The following MSH3 variants were observed in gnomAD, a reference collection of about 807,000 sequenced individuals.
MSH3 encodes the protein DNA mismatch repair protein Msh3.
In MSH3, 106 loss-of-function variants were observed where a neutral mutation model predicts 123.3. That is an observed-to-expected ratio of 0.86 (90% CI 0.73 to 1.01). MSH3 has a LOEUF of 1.01. MSH3 is among the 50% of genes least tolerant of loss of function. The pLI is 0.00. For synonymous variants in MSH3, 515 were observed against 481.4 expected (o/e 1.07, Z -0.91); for missense variants, 1,459 against 1,347.6 (o/e 1.08, Z -1.29).
At position 80,762,850 on chromosome 5, in the gene MSH3, T is replaced by TTATTTTATG. The variant is rs1561469673; in HGVS notation, c.1896+1173_1896+1174insATTTTATGT. On this transcript the variant is annotated intron_variant, in intron 13 of 23. Coordinates refer to ENST00000265081, the MANE Select transcript of MSH3 (RefSeq NM_002439.5). ...GTTATGTTATTTTATGTTATTTTAT[T>TTATTTTATG]TTATTTTATTTTTGAGACAGACTTT... Among the ~76,000 whole-genome samples, 68 of 53,996 alleles carry TTATTTTATG rather than the reference T, an allele frequency of 1.3e-3. 1 individual carries two copies. The East Asian group carries it at 0.026, about 21-fold the overall frequency. The allele number at this position is 53,996 out of a possible 152,430, so 35.4% of individuals were successfully genotyped here. A position where few individuals can be genotyped will look rare whatever the true frequency, so the allele number is the denominator to read the frequency against.
chr5:80,819,446 A>ATG (rs35865568), intron 20 of MSH3, among the ~76,000 whole-genome samples: 2,119 of 136,646 alleles, frequency 0.016, 48 homozygotes, highest in African/African-American at 0.044. Flanking sequence ...ATATATGTAT[A>ATG]TGTGTGTGTG....
At chr5:80,786,071 A>C (rs1428453104) in intron 17 of MSH3, among the ~76,000 whole-genome samples, 2 of 152,114 alleles carry the variant, frequency 1.3e-5, no homozygotes, top group Non-Finnish European at 2.9e-5. Context: ...GCAGCACACC[A>C]GCATGGCACA....
chr5:80,655,170 A>T, intron 1 of MSH3: 2 of 452,874 alleles, frequency 4.4e-6, no homozygotes, highest in Non-Finnish European at 7.7e-6. Context: ...TTGAGGAGAT[A>T]GGCAAAGGTT....
intron 8 of MSH3, among the ~76,000 whole-genome samples, chr5:80,694,216 T>C (rs1750417219): frequency 1.3e-5 from 2 of 152,288 alleles, no homozygotes; most frequent in African/African-American, 2.4e-5. Context: ...TTGGAAAATA[T>C]ATATGTATTC....
At chr5:80,683,262 G>A (rs1466641704) in intron 8 of MSH3, among the ~76,000 whole-genome samples, 1 of 151,906 alleles carries the variant, frequency 6.6e-6, no homozygotes, top group African/African-American at 2.4e-5. Flanking sequence ...TCTATTTTTA[G>A]TTTTTTGGTA....
Position 80,831,872 on chromosome 5 carries a change from G to T in MSH3, c.2813+18131G>T, listed in dbSNP as rs1027847487. Among the ~76,000 whole-genome samples the T allele has an allele frequency of 2.0e-5, 3 of 152,202 alleles. No individual in the cohort carries two copies. The South Asian group carries it at 6.2e-4, about 32-fold the overall frequency. On this transcript the variant is annotated intron_variant, in intron 20 of 23. Transcript: ENST00000265081. ...TCCTGTAATCCCAGCACTTTGGGAG[G>T]CCGAGGCGGGTGGATCACGAGGTCA...
chr5:80,788,618 C>G (rs2112021644), intron 18 of MSH3, among the ~76,000 whole-genome samples: 1 of 152,156 alleles, frequency 6.6e-6, no homozygotes, highest in South Asian at 2.1e-4. Context: ...TGAGACCAGC[C>G]TGGGCAACAT....
chr5:80,833,396 T>C (rs1233923110), intron 20 of MSH3, among the ~76,000 whole-genome samples: 3 of 152,198 alleles, frequency 2.0e-5, no homozygotes, highest in Non-Finnish European at 4.4e-5. Flanking sequence ...GTATAGTATG[T>C]CTTATAAATG....
chr5:80,821,264 A>G (rs985357836), intron 20 of MSH3, among the ~76,000 whole-genome samples: 7 of 152,140 alleles, frequency 4.6e-5, no homozygotes, highest in African/African-American at 1.7e-4. Context: ...TATCTATCTT[A>G]GTTCATAACT....
At position 80,741,476 on chromosome 5, in the gene MSH3, G is replaced by T. The variant is rs1561462368; in HGVS notation, c.1581G>T (p.Gln527His). ...KMLSKPENFK[Q>H]LSSKMEFMTI... ...GATTCTTTTACAGGAATTTTAAACA[G>T]CTATCAAGTAAAATGGAATTTATGA... Residue 527 changes from glutamine to histidine, a missense_variant, in exon 11 of 24, where the codon CAG becomes CAT. Coordinates refer to ENST00000265081, the MANE Select transcript of MSH3 (RefSeq NM_002439.5). 1 of 1,582,988 alleles carries T rather than the reference G, an allele frequency of 6.3e-7. No homozygotes were observed. The highest frequency in any genetic ancestry group is 8.7e-7 in the Non-Finnish European group (1 of 1,151,594).
intron 8 of MSH3, among the ~76,000 whole-genome samples, chr5:80,716,120 A>G (rs1176462869): frequency 6.6e-6 from 1 of 152,220 alleles, no homozygotes; most frequent in East Asian, 1.9e-4. Flanking sequence ...GCCATTCACT[A>G]TGAGCCATAA....
chr5:80,791,617 A>T (rs897299518), intron 18 of MSH3, among the ~76,000 whole-genome samples: 1 of 152,160 alleles, frequency 6.6e-6, no homozygotes, highest in African/African-American at 2.4e-5. Context: ...TTTTTTTACT[A>T]TCCCCTTATT....
At chr5:80,675,447 A>G (rs1027826684) in intron 7 of MSH3, among the ~76,000 whole-genome samples, 2 of 152,128 alleles carry the variant, frequency 1.3e-5, no homozygotes, top group Non-Finnish European at 2.9e-5. Flanking sequence ...GCCTCAGGAA[A>G]CTTACAATCA....
intron 20 of MSH3, among the ~76,000 whole-genome samples, chr5:80,847,598 A>AT (rs916154504): frequency 1.1e-4 from 16 of 152,022 alleles, no homozygotes; most frequent in Non-Finnish European, 2.2e-4. Context: ...TTAATGATGA[A>AT]TTTTTTCTTT....
In MSH3 at chr5:80,725,534, G is replaced by A. The variant is rs765517032; in HGVS notation, c.1422G>A (p.Glu474=). Residue 474 remains glutamate (E), a synonymous_variant, in exon 9 of 24, where the codon GAG becomes GAA. Coordinates refer to ENST00000265081, the MANE Select transcript of MSH3 (RefSeq NM_002439.5). The stretch of plus-strand genomic sequence containing the variant: ...GCCATGCTTTCCAGGCAGTTACAGA[G>A]TTTTATGCAAAAGATACAGTTGACA... The part of the protein sequence containing the change: ...EYSHAFQAVT[E]FYAKDTVDIK... 1 of 1,613,762 alleles carries A rather than the reference G, an allele frequency of 6.2e-7. No homozygotes were observed. Among genetic ancestry groups the A allele is most frequent in the Non-Finnish European group, 8.5e-7 (1 of 1,179,760 alleles).
At chr5:80,777,280 C>G (rs1744323111) in intron 16 of MSH3, among the ~76,000 whole-genome samples, 1 of 151,396 alleles carries the variant, frequency 6.6e-6, no homozygotes, top group African/African-American at 2.4e-5. Context: ...CATTCTAATA[C>G]CATCTTTTTT....
At chr5:80,763,474 T>C (rs1202294027) in intron 13 of MSH3, among the ~76,000 whole-genome samples, 1 of 152,230 alleles carries the variant, frequency 6.6e-6, no homozygotes, top group African/African-American at 2.4e-5. Flanking sequence ...AGTTTTATGG[T>C]AGACCTTTTT....
intron 22 of MSH3, among the ~76,000 whole-genome samples, chr5:80,866,180 C>T (rs183907896): frequency 6.6e-6 from 1 of 152,292 alleles, no homozygotes; most frequent in East Asian, 1.9e-4. Context: ...TCACTGTCAT[C>T]CAGGCTGGAG....
chr5:80,808,880 TATAC>T (rs200343989), intron 19 of MSH3, among the ~76,000 whole-genome samples: 10 of 143,634 alleles, frequency 7.0e-5, no homozygotes, highest in East Asian at 4.0e-4. Flanking sequence ...TATATATATA[TATAC>T]ACAATCTAAA....
Sources: allele counts gnomAD v4.1 joint callset (sites outside exome capture counted in the v4.1 genomes callset), GRCh38; gene constraint gnomAD v4.1.1; transcripts MANE v1.5; gene names NCBI Gene and HGNC (gene_info 2026-07-23, HGNC 2026-07-21).